MYO5A: variants seen among roughly 807,000 people sequenced by gnomAD.
MYO5A encodes the protein myosin VA, also known as unconventional myosin-Va.
Under a neutral mutation model 249.7 loss-of-function variants are expected in MYO5A, and 98 were observed. That is an observed-to-expected ratio of 0.39 (90% confidence interval 0.33 to 0.46). MYO5A has a LOEUF of 0.46. Ranked by LOEUF, MYO5A falls within the 20% of genes least tolerant of loss-of-function variation. MYO5A has a pLI of 0.98. For missense variants in MYO5A, 1,696 were observed against 2,308.8 expected (o/e 0.73, Z 5.44); for synonymous variants, 778 against 810.6 (o/e 0.96, Z 0.68).
chr15:52,324,965 T>C (rs2038526835), intron 36 of MYO5A, among the ~76,000 whole-genome samples: 1 of 152,178 alleles, frequency 6.6e-6, no homozygotes, highest in South Asian at 2.1e-4. Context: ...GTAGGAGGAT[T>C]GTGAATAAAA....
Position 52,527,653 on chromosome 15 carries a change from C to A in MYO5A, c.27+1127G>T, listed in dbSNP as rs78215192. Among the ~76,000 whole-genome samples the A allele has an allele frequency of 7.2e-3, 1,096 of 152,322 alleles. 17 individuals are homozygous for A. The highest frequency in any genetic ancestry group is 0.025 in the African/African-American group (1,057 of 41,562). ...TGCATTTACTCATTAGGAAATCGAA[C>A]CAGAGATGTTAAGTGACTTGTCCAA... is the stretch of plus-strand genomic sequence containing the variant. On this transcript the variant is annotated intron_variant, in intron 1 of 41. Coordinates refer to ENST00000399233, the MANE Select transcript of MYO5A (RefSeq NM_001382347.1).
At chr15:52,511,980 G>A (rs992845039) in intron 1 of MYO5A, among the ~76,000 whole-genome samples, 21 of 152,036 alleles carry the variant, frequency 1.4e-4, no homozygotes, top group African/African-American at 4.8e-4. Context: ...TGGCTAACAC[G>A]GTGAAACCCC....
chr15:52,330,639 T>A, intron 34 of MYO5A, 140 bp from the exon 35 acceptor site: 1 of 1,012,950 alleles, frequency 9.9e-7, no homozygotes, highest in Non-Finnish European at 1.4e-6. Context: ...TCTCTTAAAA[T>A]AATTTTTTTC....
At chr15:52,336,070 A>G (rs1341613559) in intron 34 of MYO5A, among the ~76,000 whole-genome samples, 1 of 152,240 alleles carries the variant, frequency 6.6e-6, no homozygotes, top group Admixed American at 6.5e-5. Flanking sequence ...CAGATGGGAA[A>G]GCACAGGCAT....
chr15:52,346,605 T>C (rs1307208685), intron 29 of MYO5A, 144 bp from the exon 30 acceptor site: 16 of 701,582 alleles, frequency 2.3e-5, no homozygotes, highest in Middle Eastern at 2.3e-4. Flanking sequence ...CCCAACCTCA[T>C]GTAACTGCAG....
intron 10 of MYO5A, among the ~76,000 whole-genome samples, 159 bp from the exon 11 acceptor site, chr15:52,396,556 A>T (rs563428727): frequency 6.6e-6 from 1 of 152,318 alleles, no homozygotes; most frequent in South Asian, 2.1e-4. Context: ...TAAGTCAGTA[A>T]CAAGGAATAT....
chr15:52,502,641 C>T (rs1188251867), intron 1 of MYO5A, among the ~76,000 whole-genome samples: 2 of 152,200 alleles, frequency 1.3e-5, no homozygotes, highest in African/African-American at 4.8e-5. Flanking sequence ...AGGATACCAA[C>T]CTAGTTGACA....
rs370409792 is a variant in MYO5A, at chr15:52,370,383, G to C, written c.2852C>G (p.Thr951Ser). Residue 951 changes from threonine to serine, a missense_variant, in exon 22 of 42, where the codon ACC becomes AGC. Coordinates refer to ENST00000399233, the MANE Select transcript of MYO5A (RefSeq NM_001382347.1). ...AGAGTTGTATATTCCTTCCAGATTG[G>C]TTAGTTTCTCCACAAGGCATTTGTA... is the stretch of plus-strand genomic sequence containing the variant. Reference protein sequence around the residue: ...KDYKCLVEKLTNLEGIYNSET... With the variant: ...KDYKCLVEKLSNLEGIYNSET... 2 of 1,613,442 alleles carry C rather than the reference G, an allele frequency of 1.2e-6. No individual in the cohort carries two copies. The highest frequency in any genetic ancestry group is 1.7e-6 in the Non-Finnish European group (2 of 1,179,576).
intron 20 of MYO5A, among the ~76,000 whole-genome samples, chr15:52,374,448 G>A (rs536372175): frequency 1.9e-4 from 29 of 152,326 alleles, no homozygotes; most frequent in African/African-American, 6.7e-4. Flanking sequence ...GCTAATCCCT[G>A]GAACCTGCAA....
intron 10 of MYO5A, 79 bp downstream of exon 10, chr15:52,397,122 T>C: frequency 1.3e-6 from 2 of 1,532,456 alleles, no homozygotes; most frequent in Non-Finnish European, 8.9e-7. Flanking sequence ...GGAAACAGAA[T>C]CAAATGCCCA....
Position 52,425,951 on chromosome 15 carries a change from G to T in MYO5A, c.334C>A (p.Pro112Thr). 6.2e-7 allele frequency: 1 copy of T among 1,612,984 alleles called. No individual in the cohort carries two copies. Among genetic ancestry groups the T allele is most frequent in the South Asian group, 1.1e-5 (1 of 91,056 alleles). ...YCGIVLVAIN[P>T]YEQLPIYGED... ...CCATAAATAGGCAGCTGTTCATAGG[G>T]ATTTATAGCTACTAGGACTATACCT... is the stretch of plus-strand genomic sequence containing the variant. The change falls in exon 4 of 42, where the codon CCC (proline) becomes ACC (threonine). Residue 112 changes from proline (P) to threonine (T), a missense_variant. By Grantham distance (38) the Pro-to-Thr change is conservative (BLOSUM62 -1). This residue lies in a region of MYO5A where 197 missense variants were observed against 320.3 expected (regional missense o/e 0.62). Transcript: ENST00000399233.
Position 52,364,534 on chromosome 15 carries a change from AAC to A in MYO5A, c.3309+18_3309+19del, listed in dbSNP as rs199957752. On this transcript the variant is annotated intron_variant, in intron 24 of 41. Transcript: ENST00000399233. ...GTTTAAAATTTTTCATTAAAAAAAAAACAAAAGTGTTTGACTCACCACCATAA... is the reference window on the plus strand; with the variant it reads ...GTTTAAAATTTTTCATTAAAAAAAAAAAAAGTGTTTGACTCACCACCATAA... The A allele has an allele frequency of 9.0e-4, 1,421 of 1,585,010 alleles. No homozygotes were observed. The African/African-American group carries it at 0.017, about 19-fold the overall frequency.
intron 1 of MYO5A, among the ~76,000 whole-genome samples, chr15:52,465,766 G>A (rs189906173): frequency 4.8e-4 from 73 of 152,128 alleles, no homozygotes; most frequent in African/African-American, 1.7e-3. Flanking sequence ...CTGACTAGAG[G>A]CTTTTCTAGC....
chr15:52,528,207 C>A (rs977134178), intron 1 of MYO5A, among the ~76,000 whole-genome samples: 1 of 152,184 alleles, frequency 6.6e-6, no homozygotes, highest in Non-Finnish European at 1.5e-5. Context: ...TGAATCAGCT[C>A]GCGTTCATCC....
At chr15:52,471,001 C>T (rs1200640917) in intron 1 of MYO5A, among the ~76,000 whole-genome samples, 27 of 134,090 alleles carry the variant, frequency 2.0e-4, no homozygotes, top group African/African-American at 6.8e-4. Context: ...CCAGCCTGGG[C>T]GACAGAGCAA....
At chr15:52,368,938 C>T (rs897788829) in intron 22 of MYO5A, among the ~76,000 whole-genome samples, 4 of 152,108 alleles carry the variant, frequency 2.6e-5, no homozygotes, top group South Asian at 2.1e-4. Context: ...GGAAAGCTTC[C>T]GTGGTTTGGG....
intron 1 of MYO5A, among the ~76,000 whole-genome samples, chr15:52,445,620 TTAGAGA>T (rs2075872723): frequency 6.6e-6 from 1 of 152,200 alleles, no homozygotes; most frequent in Admixed American, 6.5e-5. Flanking sequence ...TTTGGAATTC[TTAGAGA>T]CTGGTTAAAT....
At chr15:52,419,748 T>C (rs145163895) in intron 4 of MYO5A, among the ~76,000 whole-genome samples, 7 of 152,324 alleles carry the variant, frequency 4.6e-5, no homozygotes, top group African/African-American at 1.7e-4. Flanking sequence ...CAAATCAACC[T>C]GAGTTTTCTG....
intron 1 of MYO5A, among the ~76,000 whole-genome samples, chr15:52,485,257 T>C (rs1301497230): frequency 8.1e-6 from 1 of 123,896 alleles, no homozygotes; most frequent in South Asian, 2.4e-4. Context: ...GAATTCACTA[T>C]GTAAAAAAAA....
Sources: allele counts gnomAD v4.1 joint callset (sites outside exome capture counted in the v4.1 genomes callset), GRCh38; gene constraint gnomAD v4.1.1; regional missense constraint gnomAD v4.1.1; transcripts MANE v1.5; gene names NCBI Gene and HGNC (gene_info 2026-07-23, HGNC 2026-07-21).